Variants in SASH3 observed in about 807,000 individuals in gnomAD.
The protein encoded by SASH3 is SAM and SH3 domain-containing protein 3.
A neutral mutation model predicts 26.1 loss-of-function variants in SASH3; 7 were observed. The observed-to-expected ratio is 0.27, with a 90% CI of 0.15 to 0.50. SASH3 has a LOEUF of 0.50. Among genes scored for constraint, SASH3 ranks in the 20% least tolerant of loss-of-function variants. SASH3 has a pLI of 0.98. For synonymous variants in SASH3, 138 were observed against 136.8 expected (o/e 1.01, Z -0.06); for missense variants, 231 against 318.3 (o/e 0.73, Z 2.09).
In SASH3 at chrX:129,780,136, G is replaced by C. The variant is rs761610241; in HGVS notation, c.39G>C (p.Glu13Asp). 2.2e-5 allele frequency: 26 copies of C among 1,208,707 alleles called. No individual in the cohort carries two copies. In the East Asian group the frequency reaches 7.4e-4, roughly 34 times the overall value. Residue 13 changes from glutamate (E) to aspartate (D), a missense_variant, in exon 1 of 8, where the codon GAG becomes GAC. Coordinates refer to ENST00000356892, the MANE Select transcript of SASH3 (RefSeq NM_018990.4). ...RRKPSNASEK[E>D]PTQKKKLSLQ... ...AGCCCTCCAATGCCAGTGAGAAGGA[G>C]CCCACTCAGAAGAAAAAGGTGAGGA...
rs1339425305 is a variant in SASH3, at chrX:129,788,374, GTCCCGGA to G, written c.154-56_154-50del. 2.5e-6 allele frequency: 3 copies of G among 1,184,675 alleles called. No homozygotes were observed. The African/African-American group carries it at 5.3e-5, about 21-fold the overall frequency. On this transcript the variant is annotated intron_variant, in intron 2 of 7. Transcript: ENST00000356892. ...GACCCCAAGGCCTCTTTTGCCTCAA[GTCCCGGA>G]CCTAGGCAGGACCACCAGGGTCCCT...
intron 3 of SASH3, among the ~76,000 whole-genome samples, chrX:129,790,418 C>T (rs1413132123): frequency 9.1e-6 from 1 of 109,381 alleles, no homozygotes; most frequent in Non-Finnish European, 1.9e-5. Context: ...TGCCTTGGGA[C>T]TTGAACCTGA....
chrX:129,781,362 G>A (rs892713095), intron 1 of SASH3, among the ~76,000 whole-genome samples: 1 of 111,798 alleles, frequency 8.9e-6, no homozygotes, highest in Non-Finnish European at 1.9e-5. Flanking sequence ...GCTTCTCTAA[G>A]GTTGCAGTGG....
At chrX:129,793,422 T>C (rs1927268503) in intron 7 of SASH3, among the ~76,000 whole-genome samples, 1 of 112,319 alleles carries the variant, frequency 8.9e-6, no homozygotes, top group Non-Finnish European at 1.9e-5. Flanking sequence ...AGAGCCAGGA[T>C]TCAAGCCCAC....
Position 129,788,469 on chromosome X carries a change from T to C in SASH3, c.192T>C (p.Asp64=). The change falls in exon 3 of 8, where the codon GAT becomes GAC. Residue 64 remains aspartate (D), a synonymous_variant. Coordinates refer to ENST00000356892, the MANE Select transcript of SASH3 (RefSeq NM_018990.4). The stretch of plus-strand genomic sequence containing the variant: ...ACTCAGGTGTCCCCACCCCAGAAGA[T>C]GCTGGGAAGAGTGGCAAAAAGCTGG... The part of the protein sequence containing the change: ...EDDSGVPTPE[D]AGKSGKKLGK... 8.3e-7 allele frequency: 1 copy of C among 1,211,489 alleles called. No individual in the cohort carries two copies. The highest frequency in any genetic ancestry group is 1.1e-6 in the Non-Finnish European group (1 of 895,213).
rs143227076 is a variant in SASH3 at position 129,781,054 on chromosome X, A to T, written c.57+900A>T. Among the ~76,000 whole-genome samples the T allele has an allele frequency of 4.1e-3, 465 of 112,217 alleles. 5 individuals carry two copies. Among genetic ancestry groups the T allele is most frequent in the African/African-American group, 0.014 (443 of 30,866 alleles). On this transcript the variant is annotated intron_variant, in intron 1 of 7. Transcript: ENST00000356892. ...ATTTCTAGACCTAATTCTTTAATTC[A>T]ATTGAAGGATTCTCCCAGACAATCA... is the stretch of plus-strand genomic sequence containing the variant.
rs201181364 is a variant in SASH3, at chrX:129,789,167, G to GAA, written c.300+603_300+604dup. On this transcript the variant is annotated intron_variant, in intron 3 of 7. Transcript: ENST00000356892. The stretch of plus-strand genomic sequence containing the variant: ...AAAGAAAGAAAGAAAGAAAGAAAGA[G>GAA]AAAAAAAAAAAAAAGAAAAGTCTGG... Among the ~76,000 whole-genome samples the GAA allele has an allele frequency of 3.0e-3, 41 of 13,789 alleles. 1 individual carries two copies. Among genetic ancestry groups the GAA allele is most frequent in the Non-Finnish European group, 4.9e-3 (38 of 7,686 alleles). The allele number at this position is 13,789 out of a possible 115,157, so 12.0% of individuals were successfully genotyped here.
intron 1 of SASH3, among the ~76,000 whole-genome samples, chrX:129,785,535 G>A: frequency 8.9e-6 from 1 of 112,161 alleles, no homozygotes; most frequent in Non-Finnish European, 1.9e-5. Context: ...CTGAGACAGA[G>A]GGACCCTCGC....
rs151221009 is a variant in SASH3, at chrX:129,791,728, C to T, written c.443-600C>T. 3.6e-3 allele frequency among the ~76,000 whole-genome samples: 409 copies of T among 112,498 alleles called. 8 individuals carry two copies. In the East Asian group the frequency reaches 0.063, roughly 17 times the overall value. ...AAGTTTCCTGCTTTCTCTGCCTCCA[C>T]AGACACTTCCCTGCCCCCGACTGAA... On this transcript the variant is annotated intron_variant, in intron 4 of 7. Transcript: ENST00000356892.
intron 6 of SASH3, 38 bp from the exon 7 acceptor site, chrX:129,792,951 G>A: frequency 8.3e-7 from 1 of 1,208,976 alleles, no homozygotes; most frequent in Non-Finnish European, 1.1e-6. Flanking sequence ...AGGGGTGGCT[G>A]GTAAGCAGCT....
At chrX:129,782,934 T>G (rs1202687063) in intron 1 of SASH3, among the ~76,000 whole-genome samples, 1 of 111,805 alleles carries the variant, frequency 8.9e-6, no homozygotes, top group African/African-American at 3.3e-5. Context: ...GCAAGCCCTT[T>G]GATCTGATTT....
chrX:129,788,379 G>A (rs376975688), intron 2 of SASH3, 52 bp from the exon 3 acceptor site: 13 of 1,195,425 alleles, frequency 1.1e-5, no homozygotes, highest in East Asian at 8.9e-5. Flanking sequence ...CTCAAGTCCC[G>A]GACCTAGGCA....
chrX:129,782,320 T>C (rs1376225617), intron 1 of SASH3, among the ~76,000 whole-genome samples: 1 of 111,855 alleles, frequency 8.9e-6, no homozygotes, highest in East Asian at 2.8e-4. Context: ...GCTGTAGGCA[T>C]GGGTGGGGAT....
chrX:129,783,247 A>T (rs898434895), intron 1 of SASH3, among the ~76,000 whole-genome samples: 2 of 109,930 alleles, frequency 1.8e-5, no homozygotes, highest in African/African-American at 6.7e-5. Flanking sequence ...TCTTGTTCAA[A>T]CCCTTCCGAG....
chrX:129,789,461 C>T (rs919431476), intron 3 of SASH3, among the ~76,000 whole-genome samples: 1 of 110,575 alleles, frequency 9.0e-6, no homozygotes, highest in Non-Finnish European at 1.9e-5. Context: ...GGCAAAATCC[C>T]GTCTCTACTA....
chrX:129,786,996 G>GAAAAAAAAAA (rs777230713), intron 1 of SASH3, among the ~76,000 whole-genome samples: 7 of 71,001 alleles, frequency 9.9e-5, no homozygotes, highest in African/African-American at 4.0e-4. Flanking sequence ...CTCCATCTCA[G>GAAAAAAAAAA]AAAAAAAAAA....
chrX:129,782,223 C>G (rs1927029836), intron 1 of SASH3, among the ~76,000 whole-genome samples: 1 of 112,149 alleles, frequency 8.9e-6, no homozygotes, highest in Non-Finnish European at 1.9e-5. Context: ...CTGCCCCCCT[C>G]AAGAGGTTGT....
chrX:129,789,165 G>GAAAGAAAGAAAGAAAGAA (rs1360193980), intron 3 of SASH3, among the ~76,000 whole-genome samples: 2 of 62,478 alleles, frequency 3.2e-5, no homozygotes, highest in Non-Finnish European at 5.5e-5. Flanking sequence ...AAGAAAGAAA[G>GAAAGAAAGAAAGAAAGAA]AGAAAAAAAA....
chrX:129,790,205 G>C (rs1888593726), intron 3 of SASH3, among the ~76,000 whole-genome samples: 2 of 111,917 alleles, frequency 1.8e-5, no homozygotes, highest in Non-Finnish European at 3.8e-5. Context: ...TGCATCCATA[G>C]CATCTTCATG....
Sources: allele counts gnomAD v4.1 joint callset (sites outside exome capture counted in the v4.1 genomes callset), GRCh38; gene constraint gnomAD v4.1.1; transcripts MANE v1.5; gene names NCBI Gene and HGNC (gene_info 2026-07-23, HGNC 2026-07-21).